ITGA11: variants seen among roughly 807,000 people sequenced by gnomAD.
ITGA11 encodes integrin subunit alpha 11.
ITGA11 carries 97 observed loss-of-function variants against 141.9 expected under a neutral mutation model. The ratio of observed to expected loss-of-function variants is 0.68; its 90% CI spans 0.58 to 0.81. The LOEUF is 0.81. ITGA11 is among the 30% of genes least tolerant of loss of function. The probability of loss-of-function intolerance (pLI) is 0.00; values close to 1 mark genes in which losing one functional copy is unlikely to be tolerated. For synonymous variants in ITGA11, 658 were observed against 624.6 expected, an observed-to-expected ratio of 1.05 and a Z score of -0.80; for missense variants, 1,387 against 1,559.2, an observed-to-expected ratio of 0.89 and a Z score of 1.86.
intron 1 of ITGA11, among the ~76,000 whole-genome samples, chr15:68,418,298 GA>G (rs1181431617): frequency 1.3e-5 from 2 of 152,290 alleles, no homozygotes; most frequent in Admixed American, 1.3e-4. Flanking sequence ...AGGCTTCTAA[GA>G]CACTAACCTT....
rs8029162 is a variant in ITGA11, at chr15:68,361,489, T to G, written c.472+101A>C. 2.4e-3 allele frequency: 1,777 copies of G among 753,738 alleles called. 16 individuals are homozygous for G. In the African/African-American group the frequency reaches 0.028, roughly 12 times the overall value. The allele number at this position is 753,738 out of a possible 1,614,324, so 46.7% of individuals were successfully genotyped here. A position where few individuals can be genotyped will look rare whatever the true frequency, so the allele number is the denominator to read the frequency against. Reference sequence around the variant, plus strand: ...GAGCTGGGGCAGGACAGTGCTAGAGTCCAAATACTGCTTTCTAGCCACAGG... The same window carrying G: ...GAGCTGGGGCAGGACAGTGCTAGAGGCCAAATACTGCTTTCTAGCCACAGG... On this transcript the variant is annotated intron_variant, in intron 5 of 29. Transcript: ENST00000315757.
intron 26 of ITGA11, among the ~76,000 whole-genome samples, chr15:68,309,622 TCTTGCTCTGTTGCCCAGG>T (rs1893312914): frequency 1.6e-5 from 2 of 128,330 alleles, no homozygotes; most frequent in Admixed American, 1.9e-4. Context: ...TGAGACAGAG[TCTTGCTCTGTTGCCCAGG>T]CTGGAGTACA....
Position 68,317,334 on chromosome 15 carries a change from C to T in ITGA11, c.2646G>A (p.Val882=). ...KEDSDGSIEC[V]NEERRLQKQV... ...GCTTCTGGAGCCTCCTCTCCTCGTT[C>T]ACACACTCAATGCTACCGTCTGAGT... is the stretch of plus-strand genomic sequence containing the variant. The change falls in exon 21 of 30, where the codon GTG becomes GTA. Residue 882 remains valine (V), a synonymous_variant. Transcript: ENST00000315757. 3 of 1,613,804 alleles carry T rather than the reference C, an allele frequency of 1.9e-6. No homozygotes were observed. The highest frequency in any genetic ancestry group is 2.5e-6 in the Non-Finnish European group (3 of 1,179,718).
chr15:68,425,563 G>T (rs927219994), intron 1 of ITGA11, among the ~76,000 whole-genome samples: 1 of 152,196 alleles, frequency 6.6e-6, no homozygotes, highest in Non-Finnish European at 1.5e-5. Context: ...CCTGGAGGAG[G>T]TGGGGCAAGG....
intron 1 of ITGA11, among the ~76,000 whole-genome samples, chr15:68,416,424 G>C (rs1485976807): frequency 6.6e-6 from 1 of 152,216 alleles, no homozygotes. Flanking sequence ...GCTGGTGAGA[G>C]CCTCGGCAGT....
At chr15:68,364,943 C>A in intron 3 of ITGA11, 145 bp from the exon 4 acceptor site, 1 of 893,822 alleles carries the variant, frequency 1.1e-6, no homozygotes, top group East Asian at 2.7e-5. Context: ...CAAAGGCCTT[C>A]CCCAGACGTA....
intron 1 of ITGA11, among the ~76,000 whole-genome samples, chr15:68,416,950 T>C (rs189121113): frequency 3.2e-4 from 48 of 152,296 alleles, no homozygotes; most frequent in African/African-American, 5.1e-4. Context: ...CAGTTTTTTA[T>C]GAAAACTAGT....
At position 68,326,333 on chromosome 15, in the gene ITGA11, T is replaced by G. The variant is rs1191115760; in HGVS notation, c.2211+321A>C. ...TTAATTGTTAGCTGCTGCCTGCTTA[T>G]CCCTCCCTTTGGGGCTGTGCCCCCC... On this transcript the variant is annotated intron_variant, in intron 17 of 29. Coordinates refer to ENST00000315757, the MANE Select transcript of ITGA11 (RefSeq NM_001004439.2). This position sits in a 1 kb window ranked among gnomAD's most constrained non-coding sequence, Gnocchi z 6.8. Among the ~76,000 whole-genome samples, 3 of 152,202 alleles carry G rather than the reference T, an allele frequency of 2.0e-5. No homozygotes were observed. The East Asian group carries it at 5.8e-4, about 29-fold the overall frequency.
rs903086559 is a variant in ITGA11, at chr15:68,432,124, G to A, written c.-58C>T. 9.0e-5 allele frequency: 115 copies of A among 1,283,766 alleles called. No individual in the cohort carries two copies. The highest frequency in any genetic ancestry group is 1.1e-4 in the Non-Finnish European group (112 of 1,000,592). 79.5% of individuals were successfully genotyped at this position (1,283,766 alleles called of 1,614,324 possible). A position where few individuals can be genotyped will look rare whatever the true frequency, so the allele number is the denominator to read the frequency against. The stretch of plus-strand genomic sequence containing the variant: ...AGCGGCGGCGGGGGGCGGCAAGCCA[G>A]AGCGGCAGCCTCCTCGGCGCGGCGC... On this transcript the variant is annotated 5_prime_UTR_variant, in exon 1 of 30. Coordinates refer to ENST00000315757, the MANE Select transcript of ITGA11 (RefSeq NM_001004439.2).
At position 68,328,278 on chromosome 15, in the gene ITGA11, C is replaced by T. The variant is rs1894045998; in HGVS notation, c.1902-16G>A. 3 of 1,609,688 alleles carry T rather than the reference C, an allele frequency of 1.9e-6. No individual in the cohort carries two copies. In the African/African-American group the frequency reaches 4.0e-5, roughly 22 times the overall value. ...TGGGCGGGACCTGGAGGAGAAGGGC[C>T]AGTGAGCTGGGGTGGGGCAGGGGCT... On this transcript the variant is annotated splice_polypyrimidine_tract_variant and intron_variant, in intron 15 of 29. Coordinates refer to ENST00000315757, the MANE Select transcript of ITGA11 (RefSeq NM_001004439.2). This position sits in a 1 kb window ranked among gnomAD's most constrained non-coding sequence, Gnocchi z 4.8.
At chr15:68,410,048 G>A (rs535049131) in intron 1 of ITGA11, among the ~76,000 whole-genome samples, 1 of 152,318 alleles carries the variant, frequency 6.6e-6, no homozygotes, top group South Asian at 2.1e-4. Flanking sequence ...CTAAGATCCT[G>A]CTCAATACAG....
chr15:68,311,711 G>A (rs1026340296), intron 24 of ITGA11, among the ~76,000 whole-genome samples: 1 of 152,188 alleles, frequency 6.6e-6, no homozygotes, highest in East Asian at 1.9e-4. Context: ...TCTTGCCTGG[G>A]GTGGGGATTT....
At position 68,321,287 on chromosome 15, in the gene ITGA11, C is replaced by T. The variant is rs181720581; in HGVS notation, c.2408+131G>A. ...CAGAGCCTGGGCTAGAACGCAGGCT[C>T]CAAGTGCAATGTTTGATCCATGCTG... is the stretch of plus-strand genomic sequence containing the variant. On this transcript the variant is annotated intron_variant, in intron 19 of 29. Coordinates refer to ENST00000315757, the MANE Select transcript of ITGA11 (RefSeq NM_001004439.2). This position sits in a 1 kb window ranked among gnomAD's most constrained non-coding sequence, Gnocchi z 4.9. The T allele has an allele frequency of 4.1e-5, 21 of 507,522 alleles. No homozygotes were observed. In the East Asian group the frequency reaches 4.9e-4, roughly 12 times the overall value. 31.4% of individuals were successfully genotyped at this position (507,522 alleles called of 1,614,324 possible). A position where few individuals can be genotyped will look rare whatever the true frequency, so the allele number is the denominator to read the frequency against.
chr15:68,316,418 C>T (rs1221025276), intron 21 of ITGA11, among the ~76,000 whole-genome samples: 1 of 152,250 alleles, frequency 6.6e-6, no homozygotes, highest in East Asian at 1.9e-4. Flanking sequence ...GTCTCACCCT[C>T]ACGAGGTTTC....
rs561293120 is a variant in ITGA11, at chr15:68,354,031, A to G, written c.750-2629T>C. ...TCCCTCACCTCCTTTCAAATCTCCA[A>G]TCAAAGGTCATCCGTCAGGGAAGCC... On this transcript the variant is annotated intron_variant, in intron 7 of 29. Transcript: ENST00000315757. Among the ~76,000 whole-genome samples the G allele has an allele frequency of 5.3e-5, 8 of 151,718 alleles. No homozygotes were observed. The East Asian group carries it at 9.7e-4, about 18-fold the overall frequency.
rs1308314403 is a variant in ITGA11 at position 68,303,718 on chromosome 15, C to T, written c.3495+54G>A. On this transcript the variant is annotated intron_variant, in intron 29 of 29. Coordinates refer to ENST00000315757, the MANE Select transcript of ITGA11 (RefSeq NM_001004439.2). This position sits in a 1 kb window ranked among gnomAD's most constrained non-coding sequence, Gnocchi z 5.3. ...GGCCACGAAGTTCCAGGGGCTGGAG[C>T]CTGGGCCCACCAGCCAGGATGCTGC... 5.4e-6 allele frequency: 7 copies of T among 1,288,326 alleles called. No individual in the cohort carries two copies. The Admixed American group carries it at 1.1e-4, about 20-fold the overall frequency. The allele number at this position is 1,288,326 out of a possible 1,614,324, so 79.8% of individuals were successfully genotyped here.
rs1566937465 is a variant in ITGA11 at position 68,397,804 on chromosome 15, ATAAT to A, written c.164+5110_164+5113del. Among the ~76,000 whole-genome samples, 4 of 104,816 alleles carry A rather than the reference ATAAT, an allele frequency of 3.8e-5. 1 individual carries two copies. Among genetic ancestry groups the A allele is most frequent in the African/African-American group, 1.9e-4 (4 of 20,708 alleles). 68.8% of individuals were successfully genotyped at this position (104,816 alleles called of 152,430 possible). On this transcript the variant is annotated intron_variant, in intron 2 of 29. Transcript: ENST00000315757. Reference sequence around the variant, plus strand: ...TATTTAAAATAATATAAAATTATTAATAATAATATTATATATTATTATATAAATA... The same window carrying A: ...TATTTAAAATAATATAAAATTATTAAAATATTATATATTATTATATAAATA...
At chr15:68,339,688 G>A in intron 10 of ITGA11, 44 bp from the exon 11 acceptor site, 1 of 1,607,314 alleles carries the variant, frequency 6.2e-7, no homozygotes. Context: ...GTCCTCATGG[G>A]CCAGTTGCCA....
Position 68,328,340 on chromosome 15 carries a change from A to T in ITGA11, c.1902-78T>A. Reference sequence around the variant, plus strand: ...GCTGTGACCATGGGGAAAGACAAGAACCAGATGCGAGTGGGATCTGCAAAG... The same window carrying T: ...GCTGTGACCATGGGGAAAGACAAGATCCAGATGCGAGTGGGATCTGCAAAG... On this transcript the variant is annotated intron_variant, in intron 15 of 29. Transcript: ENST00000315757. This position sits in a 1 kb window ranked among gnomAD's most constrained non-coding sequence, Gnocchi z 4.8. 8.3e-7 allele frequency: 1 copy of T among 1,205,822 alleles called. No individual in the cohort carries two copies. Among genetic ancestry groups the T allele is most frequent in the Non-Finnish European group, 1.1e-6 (1 of 888,092 alleles). 74.7% of individuals were successfully genotyped at this position (1,205,822 alleles called of 1,614,324 possible).
Sources: gnomAD v4.1 joint callset for allele counts (sites outside exome capture counted in the v4.1 genomes callset) on GRCh38, gnomAD v4.1.1 for gene constraint, Gnocchi (gnomAD v3.1) non-coding constraint, MANE v1.5 for transcripts, NCBI Gene and HGNC (gene_info 2026-07-23, HGNC 2026-07-21) for gene names.